PM20D2: variants seen among roughly 807,000 people sequenced by gnomAD.
PM20D2 encodes the protein peptidase M20 domain containing 2, also known as xaa-Arg dipeptidase.
Under a neutral mutation model 42.9 loss-of-function variants are expected in PM20D2, and 33 were observed. The ratio of observed to expected loss-of-function variants is 0.77; its 90% CI spans 0.58 to 1.03. The LOEUF (loss-of-function observed/expected upper bound fraction) is 1.03, where lower values mean the gene tolerates loss of function less well. Ranked by LOEUF, PM20D2 falls within the 50% of genes least tolerant of loss-of-function variation. The pLI, the probability that PM20D2 is intolerant of heterozygous loss-of-function variation, is 0.00. For synonymous variants in PM20D2, 250 were observed against 228.2 expected (o/e 1.10, Z -0.86); for missense variants, 548 against 557.0 (o/e 0.98, Z 0.16).
Position 89,161,871 on chromosome 6 carries a change from A to G in PM20D2, c.1137A>G (p.Glu379=). 1 of 1,611,766 alleles carries G rather than the reference A, an allele frequency of 6.2e-7. No individual in the cohort carries two copies. Among genetic ancestry groups the G allele is most frequent in the Non-Finnish European group, 8.5e-7 (1 of 1,177,852 alleles). Residue 379 remains glutamate, a synonymous_variant, in exon 6 of 7, where the codon GAA becomes GAG. Transcript: ENST00000275072. ...HIGSNALNHT[E]QYTEAAGSQE... is the part of the protein sequence containing the mutation. ...GATCTAATGCCTTGAATCATACTGA[A>G]CAGTACACTGAAGCTGCTGGTAAGT...
At chr6:89,152,176 C>A (rs1020141915) in intron 2 of PM20D2, among the ~76,000 whole-genome samples, 10 of 151,918 alleles carry the variant, frequency 6.6e-5, no homozygotes, top group Non-Finnish European at 1.0e-4. Flanking sequence ...AAATCTAATA[C>A]GTGTTTGATG....
the PM20D2 span, chr6:89,107,242 G>A: frequency 3.2e-5 from 52 of 1,613,846 alleles, no homozygotes; most frequent in East Asian, 3.8e-4. Context: ...CCAAACTCAC[G>A]GCGCAAGTCC....
the PM20D2 span, among the ~76,000 whole-genome samples, chr6:89,121,751 A>C: frequency 6.6e-6 from 1 of 152,298 alleles, no homozygotes; most frequent in East Asian, 1.9e-4. Context: ...TCATTTTTAC[A>C]TGAGAGTTTC....
chr6:89,105,778 G>C, the PM20D2 span: 1 of 247,962 alleles, frequency 4.0e-6, no homozygotes, highest in Non-Finnish European at 7.7e-6. Flanking sequence ...TGTACTTTTA[G>C]TGTCTACAAT....
At chr6:89,138,295 G>A in the PM20D2 span, among the ~76,000 whole-genome samples, 1 of 152,118 alleles carries the variant, frequency 6.6e-6, no homozygotes, top group South Asian at 2.1e-4. Flanking sequence ...GCATGGTCAA[G>A]TGTTCCTGGA....
chr6:89,105,598 C>T, the PM20D2 span: 1 of 1,140,342 alleles, frequency 8.8e-7, no homozygotes, highest in Non-Finnish European at 1.2e-6. Context: ...GCATTATTTA[C>T]ATGTGAAATG....
At position 89,163,262 on chromosome 6, in the gene PM20D2, A is replaced by G. The variant is rs1261421190; in HGVS notation, c.*999A>G. On this transcript the variant is annotated 3_prime_UTR_variant, in exon 7 of 7. Coordinates refer to ENST00000275072, the MANE Select transcript of PM20D2 (RefSeq NM_001010853.3). ...GAGTTTTAATTTTGTGTTTACAGTC[A>G]TCTCTTGTACAACGTGGAGAAGAAA... The G allele has an allele frequency of 1.3e-5, 2 of 152,156 alleles. No individual in the cohort carries two copies. The highest frequency in any genetic ancestry group is 1.5e-5 in the Non-Finnish European group (1 of 68,028). The allele number at this position is 152,156 out of a possible 1,614,324, so 9.4% of individuals were successfully genotyped here.
chr6:89,115,510 C>T, the PM20D2 span, among the ~76,000 whole-genome samples: 1 of 151,904 alleles, frequency 6.6e-6, no homozygotes, highest in Non-Finnish European at 1.5e-5. Context: ...TCGAACCCCT[C>T]ACCTCAAGTG....
chr6:89,111,645 T>C, the PM20D2 span, among the ~76,000 whole-genome samples: 2 of 152,204 alleles, frequency 1.3e-5, 1 homozygote, highest in South Asian at 4.1e-4. Context: ...TTTCTTGCCT[T>C]GTTGCACTGG....
chr6:89,148,393 T>C (rs181926760), intron 1 of PM20D2: 1 of 281,590 alleles, frequency 3.6e-6, no homozygotes, highest in African/African-American at 2.3e-5. Context: ...CCAGCTTGTT[T>C]CATTGTGTTC....
chr6:89,136,671 C>T, the PM20D2 span, among the ~76,000 whole-genome samples: 1 of 150,758 alleles, frequency 6.6e-6, no homozygotes, highest in African/African-American at 2.5e-5. Context: ...GAGCTAGACT[C>T]CGTCTCAAAA....
At position 89,149,852 on chromosome 6, in the gene PM20D2, G is replaced by A. The variant is rs375272910; in HGVS notation, c.614+439G>A. On this transcript the variant is annotated intron_variant, in intron 2 of 6. Transcript: ENST00000275072. ...AAAGAGGATAAATTATGTCCTGAGAGAGAATATGGAACATGAGTAGCTATG... is the reference window on the plus strand; with the variant it reads ...AAAGAGGATAAATTATGTCCTGAGAAAGAATATGGAACATGAGTAGCTATG... 9.8e-5 allele frequency among the ~76,000 whole-genome samples: 15 copies of A among 152,334 alleles called. 2 individuals are homozygous for A. The highest frequency in any genetic ancestry group is 3.9e-4 in the Admixed American group (6 of 15,300).
upstream of PM20D2, among the ~76,000 whole-genome samples, chr6:89,143,634 T>G (rs145946509): frequency 6.6e-5 from 10 of 152,360 alleles, no homozygotes; most frequent in African/African-American, 2.2e-4. Flanking sequence ...ACATTTTTTT[T>G]TGTTTCTAAT....
the PM20D2 span, among the ~76,000 whole-genome samples, chr6:89,108,888 T>C: frequency 7.5e-3 from 1,147 of 152,336 alleles, 16 homozygotes; most frequent in Non-Finnish European, 1.0e-2. Flanking sequence ...AAAAATTGAC[T>C]AAGCATCTAC....
intron 4 of PM20D2, among the ~76,000 whole-genome samples, chr6:89,156,370 T>C (rs962083994): frequency 6.6e-6 from 1 of 152,208 alleles, no homozygotes; most frequent in Non-Finnish European, 1.5e-5. Context: ...ATGTTTAGTG[T>C]CTTTGGCTCT....
chr6:89,100,455 T>C, the PM20D2 span, among the ~76,000 whole-genome samples: 1 of 151,800 alleles, frequency 6.6e-6, no homozygotes, highest in South Asian at 2.1e-4. Context: ...AGAAGAAAAC[T>C]GTCTTTGGAG....
the PM20D2 span, among the ~76,000 whole-genome samples, chr6:89,135,857 G>A: frequency 6.6e-6 from 1 of 151,204 alleles, no homozygotes; most frequent in South Asian, 2.1e-4. Flanking sequence ...GTGACTAGAA[G>A]CATTTCCAAT....
At chr6:89,120,871 C>T in the PM20D2 span, among the ~76,000 whole-genome samples, 2 of 152,060 alleles carry the variant, frequency 1.3e-5, no homozygotes, top group African/African-American at 4.8e-5. Flanking sequence ...GAGCAAGACC[C>T]TGTCTGTAAA....
intron 4 of PM20D2, among the ~76,000 whole-genome samples, chr6:89,155,937 T>C (rs1184565899): frequency 6.7e-6 from 1 of 150,230 alleles, no homozygotes; most frequent in East Asian, 2.0e-4. Context: ...CAGGCTGGAG[T>C]GCAATGGCGC....
Sources: gnomAD v4.1 joint callset for allele counts (sites outside exome capture counted in the v4.1 genomes callset) on GRCh38, gnomAD v4.1.1 for gene constraint, MANE v1.5 for transcripts, NCBI Gene and HGNC (gene_info 2026-07-23, HGNC 2026-07-21) for gene names.